The following RBFOX1 variants were observed in gnomAD, a reference collection of about 807,000 sequenced individuals.
The protein encoded by RBFOX1 is RNA binding protein fox-1 homolog 1.
A neutral mutation model predicts 57.7 loss-of-function variants in RBFOX1; 8 were observed. That is an observed-to-expected ratio of 0.14 (90% CI 0.08 to 0.25). RBFOX1 has a LOEUF of 0.25. Ranked by LOEUF, RBFOX1 falls within the 10% of genes least tolerant of loss-of-function variation. The pLI, the probability that RBFOX1 is intolerant of heterozygous loss-of-function variation, is 1.00. For missense variants in RBFOX1, 611 were observed against 548.5 expected (o/e 1.11, Z -1.14); for synonymous variants, 326 against 222.4 (o/e 1.47, Z -4.15).
chr16:5,890,651 C>T (rs1422869200), intron 4 of RBFOX1, among the ~76,000 whole-genome samples: 1 of 130,474 alleles, frequency 7.7e-6, no homozygotes, highest in African/African-American at 2.9e-5. Flanking sequence ...GAGCCGAGAT[C>T]ATACCACTGC....
chr16:6,767,948 AAG>A lies in RBFOX1; in HGVS notation c.-16+113300_-16+113301del, dbSNP rs201819743. Among the ~76,000 whole-genome samples, 378 of 48,766 alleles carry A rather than the reference AAG, an allele frequency of 7.8e-3. 12 individuals carry two copies. In the East Asian group the frequency reaches 0.14, roughly 18 times the overall value. The allele number at this position is 48,766 out of a possible 152,430, so 32.0% of individuals were successfully genotyped here. On this transcript the variant is annotated intron_variant, in intron 3 of 15. Transcript: ENST00000550418. ...TAATAATAATAATAATAATAATAAT[AAG>A]AAGAAGAAGAAGAAGAAGAAGAAGA... is the stretch of plus-strand genomic sequence containing the variant.
chr16:6,971,397 T>G (rs1282125462), intron 3 of RBFOX1, among the ~76,000 whole-genome samples: 13 of 151,794 alleles, frequency 8.6e-5, no homozygotes, highest in Admixed American at 2.0e-4. Flanking sequence ...TTTGCTTGTT[T>G]GGGGAGCAGA....
chr16:6,693,071 C>G (rs535395576), intron 3 of RBFOX1, among the ~76,000 whole-genome samples: 19 of 147,160 alleles, frequency 1.3e-4, no homozygotes, highest in Admixed American at 9.1e-4. Flanking sequence ...CACCATCATC[C>G]TCCTCTACTA....
chr16:6,018,908 G>C (rs991679061), upstream of RBFOX1, among the ~76,000 whole-genome samples: 25 of 152,076 alleles, frequency 1.6e-4, no homozygotes, highest in African/African-American at 6.0e-4. Flanking sequence ...CAGGAGACCA[G>C]GGTACCGGGT....
intron 4 of RBFOX1, among the ~76,000 whole-genome samples, chr16:7,434,475 A>AAAAT (rs200950082): frequency 4.6e-5 from 7 of 151,520 alleles, no homozygotes; most frequent in African/African-American, 1.2e-4. Flanking sequence ...CTGTCTCGTT[A>AAAAT]AAATAAATAA....
intron 1 of RBFOX1, among the ~76,000 whole-genome samples, chr16:6,224,434 A>G (rs1185938937): frequency 6.6e-6 from 1 of 152,104 alleles, no homozygotes; most frequent in East Asian, 1.9e-4. Context: ...TGTAAGCTGG[A>G]TTCCTAAGTA....
chr16:7,234,096 A>C (rs371850962), intron 4 of RBFOX1, among the ~76,000 whole-genome samples: 2 of 152,102 alleles, frequency 1.3e-5, no homozygotes, highest in Non-Finnish European at 2.9e-5. Flanking sequence ...TGCTTGGTCA[A>C]TTTTCATTGC....
chr16:6,344,003 C>A (rs916282224), intron 2 of RBFOX1, among the ~76,000 whole-genome samples: 4 of 152,198 alleles, frequency 2.6e-5, no homozygotes, highest in African/African-American at 9.7e-5. Context: ...CTCTCCTGGG[C>A]ATCGGAGACT....
chr16:6,513,065 G>C (rs2096286693), intron 2 of RBFOX1, among the ~76,000 whole-genome samples: 5 of 152,186 alleles, frequency 3.3e-5, no homozygotes, highest in Non-Finnish European at 1.5e-5. Context: ...ATATGGCACA[G>C]TATTGAAGAA....
intron 2 of RBFOX1, among the ~76,000 whole-genome samples, chr16:5,569,467 T>TTTTTTTTTTTTTTTTTG: frequency 1.2e-5 from 1 of 83,428 alleles, no homozygotes; most frequent in Non-Finnish European, 2.4e-5. Flanking sequence ...TTTTTTTTTT[T>TTTTTTTTTTTTTTTTTG]CTTCTTCTTT....
intron 3 of RBFOX1, among the ~76,000 whole-genome samples, chr16:6,910,593 A>G (rs753652641): frequency 3.3e-5 from 5 of 152,110 alleles, no homozygotes; most frequent in Non-Finnish European, 5.9e-5. Flanking sequence ...GCAGGGCTGC[A>G]TTTCTTCCGG....
chr16:6,808,487 A>G (rs895585728), intron 3 of RBFOX1, among the ~76,000 whole-genome samples: 2 of 152,138 alleles, frequency 1.3e-5, no homozygotes, highest in Non-Finnish European at 2.9e-5. Context: ...TAGCTCTCAG[A>G]TGGAAAATAA....
At chr16:7,654,543 A>C (rs146162832) in intron 12 of RBFOX1, among the ~76,000 whole-genome samples, 1 of 152,306 alleles carries the variant, frequency 6.6e-6, no homozygotes, top group East Asian at 1.9e-4. Flanking sequence ...GGAACAATGC[A>C]GATTAGTTTG....
chr16:7,311,226 G>C (rs954430199), intron 4 of RBFOX1, among the ~76,000 whole-genome samples: 1 of 152,294 alleles, frequency 6.6e-6, no homozygotes, highest in South Asian at 2.1e-4. Context: ...CCAAGCTCTA[G>C]CTGAAGAGCA....
chr16:5,388,393 T>C (rs1022959424), intron 1 of RBFOX1, among the ~76,000 whole-genome samples: 3 of 152,162 alleles, frequency 2.0e-5, no homozygotes, highest in African/African-American at 7.2e-5. Context: ...ATGTCAGGCC[T>C]TGTGGTCCAA....
chr16:5,782,574 G>C (rs538324363), intron 3 of RBFOX1, among the ~76,000 whole-genome samples: 35 of 152,316 alleles, frequency 2.3e-4, no homozygotes, highest in African/African-American at 7.5e-4. Context: ...GTGTCAGGAT[G>C]GGGGATTTTA....
At chr16:7,065,641 C>A (rs893498558) in intron 4 of RBFOX1, among the ~76,000 whole-genome samples, 1 of 152,092 alleles carries the variant, frequency 6.6e-6, no homozygotes, top group Non-Finnish European at 1.5e-5. Context: ...CACATACTTA[C>A]CTTATTTTTT....
intron 14 of RBFOX1, among the ~76,000 whole-genome samples, chr16:7,697,823 G>C (rs1208142030): frequency 6.6e-6 from 1 of 152,106 alleles, no homozygotes; most frequent in Non-Finnish European, 1.5e-5. Flanking sequence ...CTAGTATTTT[G>C]AGTCGGATGA....
At position 5,340,583 on chromosome 16, in the gene RBFOX1, T is replaced by C. The variant is rs13337087; in HGVS notation, c.219+100478T>C. On this transcript the variant is annotated intron_variant, in intron 1 of 2. Transcript: ENST00000585867. ...GGAGCATTTAGTTTTTGGATGGAAC[T>C]GAGCTTAGTGTTTTGAGGATTTTAG... Among the ~76,000 whole-genome samples the C allele has an allele frequency of 4.1e-3, 626 of 152,322 alleles. 5 individuals carry two copies. Among genetic ancestry groups the C allele is most frequent in the African/African-American group, 0.014 (585 of 41,572 alleles).
Sources: allele counts gnomAD v4.1 joint callset (sites outside exome capture counted in the v4.1 genomes callset), GRCh38; gene constraint gnomAD v4.1.1; transcripts MANE v1.5; gene names NCBI Gene and HGNC (gene_info 2026-07-23, HGNC 2026-07-21).